Variants in ST7 observed in about 807,000 individuals in gnomAD.
The protein encoded by ST7 is suppressor of tumorigenicity 7 protein.
A neutral mutation model predicts 78.7 loss-of-function variants in ST7; 28 were observed. That is an observed-to-expected ratio of 0.36 (90% CI 0.26 to 0.49). ST7 has a LOEUF of 0.49. Among genes scored for constraint, ST7 ranks in the 20% least tolerant of loss-of-function variants. The pLI is 0.99. For synonymous variants in ST7, 247 were observed against 249.6 expected (o/e 0.99, Z 0.10); for missense variants, 418 against 696.0 (o/e 0.60, Z 4.49).
rs578071998 is a variant in ST7 at position 117,069,918 on chromosome 7, A to T, written c.152-29844A>T. Among the ~76,000 whole-genome samples the T allele has an allele frequency of 3.9e-5, 6 of 152,296 alleles. No individual in the cohort carries two copies. The Middle Eastern group carries it at 0.01, about 259-fold the overall frequency. ...ACACTGTACCCTTGAAGTCCTTTTA[A>T]ATTAGGTTAATTTTGCACTTTACCC... On this transcript the variant is annotated intron_variant, in intron 1 of 15. Transcript: ENST00000323984.
chr7:116,979,048 C>A (rs1793829071), intron 1 of ST7, among the ~76,000 whole-genome samples: 1 of 152,200 alleles, frequency 6.6e-6, no homozygotes, highest in African/African-American at 2.4e-5. Flanking sequence ...TTGGGCACAG[C>A]TCTAAAACCT....
chr7:117,048,583 A>T (rs913740417), intron 1 of ST7, among the ~76,000 whole-genome samples: 1 of 152,042 alleles, frequency 6.6e-6, no homozygotes, highest in Admixed American at 6.6e-5. Context: ...ATATCTTGAA[A>T]CCCTTTACCC....
At chr7:116,974,292 CTTTT>C (rs888429847) in intron 1 of ST7, among the ~76,000 whole-genome samples, 1 of 143,984 alleles carries the variant, frequency 6.9e-6, no homozygotes. Flanking sequence ...CTTTTCTTTT[CTTTT>C]TTTTTTTTTG....
intron 1 of ST7, among the ~76,000 whole-genome samples, chr7:116,993,284 A>G (rs1794505664): frequency 1.3e-5 from 2 of 152,212 alleles, no homozygotes; most frequent in Admixed American, 1.3e-4. Flanking sequence ...GTTTAATTGG[A>G]CTTACAATTC....
At chr7:117,155,089 G>T (rs1013579278) in intron 9 of ST7, among the ~76,000 whole-genome samples, 1 of 152,166 alleles carries the variant, frequency 6.6e-6, no homozygotes, top group Non-Finnish European at 1.5e-5. Context: ...GGCTGTCATG[G>T]TAGGTAACAG....
chr7:117,016,768 C>A (rs1456142970), intron 1 of ST7, among the ~76,000 whole-genome samples: 1 of 152,134 alleles, frequency 6.6e-6, no homozygotes, highest in Non-Finnish European at 1.5e-5. Context: ...TGTTGTCTTT[C>A]ATAGTGATTT....
At chr7:117,113,596 GTCT>G (rs1802612669) in intron 2 of ST7, among the ~76,000 whole-genome samples, 1 of 152,150 alleles carries the variant, frequency 6.6e-6, no homozygotes, top group Admixed American at 6.5e-5. Flanking sequence ...ATCGTTTATT[GTCT>G]TCTTCCTCTT....
At chr7:117,138,584 C>T in intron 9 of ST7, 52 bp downstream of exon 9, 2 of 1,294,816 alleles carry the variant, frequency 1.5e-6, no homozygotes, top group Non-Finnish European at 2.2e-6. Context: ...TAGGAGCCCG[C>T]TGAATGGCCA....
chr7:117,078,225 T>C (rs934808060), intron 1 of ST7, among the ~76,000 whole-genome samples: 2 of 152,210 alleles, frequency 1.3e-5, no homozygotes, highest in African/African-American at 4.8e-5. Flanking sequence ...CATGTAGTAG[T>C]TTTATACAAC....
intron 1 of ST7, among the ~76,000 whole-genome samples, chr7:116,994,917 T>TA (rs1794583397): frequency 6.6e-6 from 1 of 152,332 alleles, no homozygotes; most frequent in Admixed American, 6.5e-5. Flanking sequence ...CTCTTTTTTT[T>TA]ACCGTTTCCT....
At chr7:117,105,996 T>C (rs1365793084) in intron 2 of ST7, among the ~76,000 whole-genome samples, 4 of 144,226 alleles carry the variant, frequency 2.8e-5, no homozygotes, top group African/African-American at 1.1e-4. Flanking sequence ...GTTTTTGTTT[T>C]TGTTTTTTTT....
At chr7:117,044,048 T>C (rs1797365025) in intron 1 of ST7, among the ~76,000 whole-genome samples, 2 of 152,148 alleles carry the variant, frequency 1.3e-5, no homozygotes, top group Admixed American at 1.3e-4. Context: ...TTGTCATTAG[T>C]TTTCAACCTA....
At chr7:117,198,378 C>G in intron 12 of ST7, 1 of 453,648 alleles carries the variant, frequency 2.2e-6, no homozygotes, top group Non-Finnish European at 4.4e-6. Flanking sequence ...CTTGGGCCAC[C>G]CTAGCCTGAA....
In ST7 at chr7:117,138,532, T is replaced by C; in HGVS notation, c.963T>C (p.Asp321=). The C allele has an allele frequency of 6.3e-7, 1 of 1,595,402 alleles. No individual in the cohort carries two copies. ...GGGAAGCAGTGAAAATGATGAGAGA[T>C]GTGAGTTTGAGTTTGTGTTTGGGAT... ...RTREAVKMMR[D]LMKEFPLLSM... The change falls in exon 9 of 16, where the codon GAT becomes GAC. Residue 321 remains aspartate (D), a splice_region_variant and synonymous_variant. Coordinates refer to ENST00000323984, the MANE Select transcript of ST7 (RefSeq NM_001369598.1).
chr7:117,030,560 C>T (rs1330112914), intron 1 of ST7, among the ~76,000 whole-genome samples: 1 of 152,134 alleles, frequency 6.6e-6, no homozygotes, highest in Non-Finnish European at 1.5e-5. Flanking sequence ...AGAAGACATA[C>T]ATGCAGCCAA....
intron 12 of ST7, among the ~76,000 whole-genome samples, chr7:117,191,984 C>A (rs1003629259): frequency 1.3e-5 from 2 of 152,010 alleles, no homozygotes; most frequent in Admixed American, 1.3e-4. Flanking sequence ...TTACTCAAGT[C>A]TAGGTCATTT....
intron 9 of ST7, among the ~76,000 whole-genome samples, chr7:117,150,348 C>G (rs911324851): frequency 1.3e-5 from 2 of 152,170 alleles, no homozygotes; most frequent in Admixed American, 6.5e-5. Flanking sequence ...TACCCATATT[C>G]CATAAGCTTT....
At chr7:117,032,524 G>A (rs1411497228) in intron 1 of ST7, among the ~76,000 whole-genome samples, 1 of 152,004 alleles carries the variant, frequency 6.6e-6, no homozygotes, top group Middle Eastern at 3.2e-3. Flanking sequence ...TCTGAAACCA[G>A]ACTTTTCTCT....
intron 3 of ST7, chr7:117,128,416 T>C (rs1210074136): frequency 6.6e-6 from 1 of 151,818 alleles, no homozygotes; most frequent in African/African-American, 2.4e-5. Flanking sequence ...AGCCATCAAA[T>C]CTCAGTTTCA....
Sources: allele counts gnomAD v4.1 joint callset (sites outside exome capture counted in the v4.1 genomes callset), GRCh38; gene constraint gnomAD v4.1.1; transcripts MANE v1.5; gene names NCBI Gene and HGNC (gene_info 2026-07-23, HGNC 2026-07-21).